Variants in MARK2 observed in about 807,000 individuals in gnomAD.
MARK2 encodes the protein microtubule affinity regulating kinase 2.
MARK2 carries 16 observed loss-of-function variants against 89.8 expected under a neutral mutation model. The ratio of observed to expected loss-of-function variants is 0.18; its 90% CI spans 0.12 to 0.27. The LOEUF (loss-of-function observed/expected upper bound fraction) is 0.27. Ranked by LOEUF, MARK2 falls within the 10% of genes least tolerant of loss-of-function variation. The pLI is 1.00. For missense variants in MARK2, 621 were observed against 1,049.9 expected (o/e 0.59, Z 5.65); for synonymous variants, 382 against 399.5 (o/e 0.96, Z 0.52).
In MARK2 at chr11:63,859,772, C is replaced by T. The variant is rs137880293; in HGVS notation, c.54+20212C>T. Among the ~76,000 whole-genome samples, 693 of 152,164 alleles carry T rather than the reference C, an allele frequency of 4.6e-3. 3 individuals are homozygous for T. Among genetic ancestry groups the T allele is most frequent in the Non-Finnish European group, 6.1e-3 (416 of 68,014 alleles). On this transcript the variant is annotated intron_variant, in intron 1 of 18. Coordinates refer to ENST00000402010, the MANE Select transcript of MARK2 (RefSeq NM_001039469.3). ...TCGGCCTCCCGAGTAGCTGGAACTA[C>T]GGGTGCGTGCCACCATGCCCGGCTT...
chr11:63,904,474 TC>T lies in MARK2; in HGVS notation c.1677-308del, dbSNP rs370357857. Reference sequence around the variant, plus strand: ...CAGGGACTCAATCCTCAAGGGTTGGTCCCCATTGCCGCCTTGAGGGTCCAGT... The same window carrying T: ...CAGGGACTCAATCCTCAAGGGTTGGTCCCATTGCCGCCTTGAGGGTCCAGT... On this transcript the variant is annotated intron_variant, in intron 15 of 18. Transcript: ENST00000402010. The surrounding 1 kb of genome is among the most constrained non-coding windows in gnomAD (Gnocchi z 6.3). Among the ~76,000 whole-genome samples the T allele has an allele frequency of 1.6e-3, 248 of 152,134 alleles. No individual in the cohort carries two copies. The highest frequency in any genetic ancestry group is 4.3e-3 in the African/African-American group (180 of 41,482).
intron 1 of MARK2, among the ~76,000 whole-genome samples, chr11:63,861,766 A>G (rs1937799418): frequency 7.2e-6 from 1 of 138,212 alleles, no homozygotes. Context: ...TTTGAGACAG[A>G]GTCTCGCTCT....
At chr11:63,864,308 A>G (rs940154236) in intron 1 of MARK2, among the ~76,000 whole-genome samples, 21 of 151,200 alleles carry the variant, frequency 1.4e-4, no homozygotes, top group African/African-American at 4.9e-4. Flanking sequence ...GCTGGAGTGC[A>G]ATGGCTTGAT....
intron 1 of MARK2, among the ~76,000 whole-genome samples, chr11:63,856,218 G>T (rs552785027): frequency 1.7e-4 from 26 of 151,408 alleles, no homozygotes; most frequent in Non-Finnish European, 2.9e-4. Context: ...AGTCCTTCTG[G>T]TTCCAGAAGC....
chr11:63,907,716 A>G (rs933202925), intron 17 of MARK2, among the ~76,000 whole-genome samples: 12 of 152,192 alleles, frequency 7.9e-5, no homozygotes, highest in Non-Finnish European at 1.5e-4. Flanking sequence ...GGTGCCTACC[A>G]TGCAGACCCA....
chr11:63,906,697 T>C (rs933987978), intron 17 of MARK2, among the ~76,000 whole-genome samples: 5 of 151,968 alleles, frequency 3.3e-5, no homozygotes, highest in Admixed American at 1.3e-4. Context: ...TTGGAGACAC[T>C]ACGGGGACCC....
intron 1 of MARK2, among the ~76,000 whole-genome samples, chr11:63,859,415 G>A (rs879821577): frequency 1.3e-5 from 2 of 151,446 alleles, no homozygotes; most frequent in African/African-American, 4.9e-5. Context: ...CCGCCTCACA[G>A]GTTCAAGCAA....
intron 1 of MARK2, among the ~76,000 whole-genome samples, chr11:63,853,383 G>T (rs1416252973): frequency 2.7e-5 from 4 of 148,652 alleles, no homozygotes; most frequent in Admixed American, 2.7e-4. Flanking sequence ...TGGGCGACAA[G>T]AGCGAAACTA....
chr11:63,878,692 C>T (rs1345304009), intron 1 of MARK2, among the ~76,000 whole-genome samples: 1 of 152,066 alleles, frequency 6.6e-6, no homozygotes, highest in African/African-American at 2.4e-5. Flanking sequence ...TTCAAGCCCT[C>T]ACCCAGAGCT....
intron 1 of MARK2, among the ~76,000 whole-genome samples, chr11:63,889,417 C>T (rs1939649369): frequency 6.6e-6 from 1 of 152,256 alleles, no homozygotes. Context: ...ACACTTGAAG[C>T]CAGCCCTGAA....
chr11:63,846,513 AC>A (rs1286210230), intron 1 of MARK2, among the ~76,000 whole-genome samples: 1 of 150,974 alleles, frequency 6.6e-6, no homozygotes, highest in Non-Finnish European at 1.5e-5. Context: ...ACGCCACTGT[AC>A]CCCGCTAATT....
chr11:63,865,035 A>G (rs1414142203), intron 1 of MARK2, among the ~76,000 whole-genome samples: 1 of 144,832 alleles, frequency 6.9e-6, no homozygotes, highest in African/African-American at 2.6e-5. Flanking sequence ...GACTACAGGC[A>G]TGTGCCACTA....
chr11:63,857,471 GC>G (rs2016923965), intron 1 of MARK2, among the ~76,000 whole-genome samples: 1 of 152,160 alleles, frequency 6.6e-6, no homozygotes, highest in African/African-American at 2.4e-5. Context: ...ATGAGCCACC[GC>G]CCCAGCCTGT....
rs772684630 is a variant in MARK2, at chr11:63,904,187, G to A, written c.1676+40G>A. ...GCAGCTGGTGCACCTGCTGCCCTCA[G>A]CCCACCCTACCCCCTTGCCCCAACA... is the stretch of plus-strand genomic sequence containing the variant. On this transcript the variant is annotated intron_variant, in intron 15 of 18. Coordinates refer to ENST00000402010, the MANE Select transcript of MARK2 (RefSeq NM_001039469.3). This position sits in a 1 kb window ranked among gnomAD's most constrained non-coding sequence, Gnocchi z 6.3. 12 of 1,503,266 alleles carry A rather than the reference G, an allele frequency of 8.0e-6. No individual in the cohort carries two copies. In the East Asian group the frequency reaches 2.5e-4, roughly 31 times the overall value. The allele number at this position is 1,503,266 out of a possible 1,614,324, so 93.1% of individuals were successfully genotyped here.
rs545600054 is a variant in MARK2 at position 63,905,162 on chromosome 11, G to A, written c.1934+119G>A. ...ACTCTGTACCGGTATTGGGTCCTGG[G>A]GTTAGAAGAGGCTTCAGGAAGCACA... On this transcript the variant is annotated intron_variant, in intron 16 of 18. Transcript: ENST00000402010. 409 of 1,151,352 alleles carry A rather than the reference G, an allele frequency of 3.6e-4. 3 individuals are homozygous for A. Among genetic ancestry groups the A allele is most frequent in the Non-Finnish European group, 1.2e-4 (97 of 816,502 alleles). The allele number at this position is 1,151,352 out of a possible 1,614,324, so 71.3% of individuals were successfully genotyped here.
chr11:63,893,405 A>G (rs925100131), intron 1 of MARK2, among the ~76,000 whole-genome samples: 19 of 31,828 alleles, frequency 6.0e-4, no homozygotes, highest in Non-Finnish European at 9.3e-4. Context: ...CTGCCAACCA[A>G]TATTCCCCGG....
intron 3 of MARK2, among the ~76,000 whole-genome samples, chr11:63,896,822 T>A (rs1185228477): frequency 6.6e-6 from 1 of 152,038 alleles, no homozygotes; most frequent in Non-Finnish European, 1.5e-5. Flanking sequence ...ACAGAAGAAG[T>A]CAGCGTGGGG....
At position 63,909,259 on chromosome 11, in the gene MARK2, G is replaced by T. The variant is rs749327913; in HGVS notation, c.*22G>T. ...TTAACAGGCTGCCAGGAGCGGGGGC[G>T]GCGGGGGCGGGCCAGCTGGACGGGC... is the stretch of plus-strand genomic sequence containing the variant. On this transcript the variant is annotated 3_prime_UTR_variant, in exon 19 of 19. Coordinates refer to ENST00000402010, the MANE Select transcript of MARK2 (RefSeq NM_001039469.3). The T allele has an allele frequency of 3.8e-6, 6 of 1,559,028 alleles. No individual in the cohort carries two copies. Among genetic ancestry groups the T allele is most frequent in the Middle Eastern group, 1.8e-4 (1 of 5,476 alleles).
chr11:63,900,707 G>A lies in MARK2; in HGVS notation c.888+29G>A. 6.2e-7 allele frequency: 1 copy of A among 1,613,704 alleles called. No individual in the cohort carries two copies. The stretch of plus-strand genomic sequence containing the variant: ...AGCAGTGGAGCCCAACTGGCGGAAG[G>A]GCCTGGGGTCCCCACAGAAACTTTC... On this transcript the variant is annotated intron_variant, in intron 9 of 18. Transcript: ENST00000402010. The surrounding 1 kb of genome is among the most constrained non-coding windows in gnomAD (Gnocchi z 4.7).
Sources: allele counts gnomAD v4.1 joint callset (sites outside exome capture counted in the v4.1 genomes callset), GRCh38; gene constraint gnomAD v4.1.1; non-coding constraint Gnocchi (gnomAD v3.1); transcripts MANE v1.5; gene names NCBI Gene and HGNC (gene_info 2026-07-23, HGNC 2026-07-21).